The following CLEC20A variants were observed in gnomAD, a reference collection of about 807,000 sequenced individuals.
The protein encoded by CLEC20A is C-type lectin domain containing 20A, also known as putative C-type lectin domain family 20 member A.
intron 1 of CLEC20A, among the ~76,000 whole-genome samples, chr1:178,495,421 G>C (rs938981385): frequency 6.6e-6 from 1 of 152,224 alleles, no homozygotes; most frequent in African/African-American, 2.4e-5. Flanking sequence ...AGAGCTGCAA[G>C]CTGGAGTCAC....
At chr1:178,490,337 G>C (rs915353252) in exon 4 of CLEC20A, 1 of 398,630 alleles carries the variant, frequency 2.5e-6, no homozygotes, top group Non-Finnish European at 4.4e-6. Flanking sequence ...TCTGCAGGTC[G>C]GCCAGATCCG....
In CLEC20A at chr1:178,486,483, G is replaced by T; in HGVS notation, c.928+2018C>A. On this transcript the variant is annotated intron_variant, in intron 5 of 7. Transcript: ENST00000623247. ...CAGCTGCCTCTGGGCGGGTGTCTTGGCTCAGGGCTGCAGAGTCAGGGGGTG... is the reference window on the plus strand; with the variant it reads ...CAGCTGCCTCTGGGCGGGTGTCTTGTCTCAGGGCTGCAGAGTCAGGGGGTG... 1.0e-5 allele frequency: 4 copies of T among 398,826 alleles called. No homozygotes were observed. The Admixed American group carries it at 1.8e-4, about 18-fold the overall frequency. 24.7% of individuals were successfully genotyped at this position (398,826 alleles called of 1,614,324 possible). A position where few individuals can be genotyped will look rare whatever the true frequency, so the allele number is the denominator to read the frequency against.
intron 5 of CLEC20A, 55 bp downstream of exon 5, chr1:178,488,446 G>C (rs772974643): frequency 5.0e-6 from 2 of 398,568 alleles, no homozygotes; most frequent in Non-Finnish European, 8.8e-6. Context: ...AGCCAGCCTT[G>C]CCACTTCCCC....
chr1:178,488,838 C>A (rs570539495), intron 4 of CLEC20A, among the ~76,000 whole-genome samples: 1 of 152,110 alleles, frequency 6.6e-6, no homozygotes, highest in Non-Finnish European at 1.5e-5. Flanking sequence ...AAGGATCATG[C>A]GTCTCATCAA....
At chr1:178,495,080 T>A (rs1359857316) in intron 1 of CLEC20A, among the ~76,000 whole-genome samples, 1 of 152,236 alleles carries the variant, frequency 6.6e-6, no homozygotes, top group East Asian at 1.9e-4. Context: ...TTTGCCCAGC[T>A]AACTCCTCAC....
At chr1:178,487,761 G>GA (rs1649183338) in intron 5 of CLEC20A, among the ~76,000 whole-genome samples, 1 of 152,232 alleles carries the variant, frequency 6.6e-6, no homozygotes, top group South Asian at 2.1e-4. Flanking sequence ...TTTCTAATGA[G>GA]TGAATGAACG....
At chr1:178,484,203 TAATC>T (rs1441883639) in intron 5 of CLEC20A, 1 of 152,178 alleles carries the variant, frequency 6.6e-6, no homozygotes, top group African/African-American at 2.4e-5. Context: ...ACTATTTCCT[TAATC>T]AATTTCTAAG....
chr1:178,479,301 C>T (rs1472894930), exon 8 of CLEC20A: 2 of 331,650 alleles, frequency 6.0e-6, no homozygotes, highest in East Asian at 8.9e-5. Flanking sequence ...TTTGTCATTC[C>T]CAACATGATT....
chr1:178,493,474 G>T (rs1183181459), intron 2 of CLEC20A: 1 of 152,736 alleles, frequency 6.5e-6, no homozygotes, highest in Non-Finnish European at 1.5e-5. Flanking sequence ...CTCTTACCGG[G>T]CAAGTGCTGT....
At chr1:178,497,857 T>C (rs1202720075), upstream of CLEC20A, among the ~76,000 whole-genome samples, 3 of 151,878 alleles carry the variant, frequency 2.0e-5, no homozygotes, top group Non-Finnish European at 2.9e-5. Flanking sequence ...GGCTGGCTGC[T>C]GGGGGAGAAA....
intron 1 of CLEC20A, chr1:178,496,614 G>A (rs1055094749): frequency 2.7e-5 from 10 of 374,418 alleles, no homozygotes; most frequent in Admixed American, 9.1e-5. Context: ...CTGCGCGGCC[G>A]TCTCTTTGAG....
At chr1:178,492,398 G>T in intron 3 of CLEC20A, 103 bp downstream of exon 3, 2 of 398,484 alleles carry the variant, frequency 5.0e-6, no homozygotes, top group Non-Finnish European at 8.8e-6. Context: ...CAGGGGAACA[G>T]AGGGGACGCG....
At chr1:178,497,253 T>C, upstream of CLEC20A, 1 of 313,038 alleles carries the variant, frequency 3.2e-6, no homozygotes, top group Non-Finnish European at 5.8e-6. Context: ...TCTTACCTTC[T>C]CCTGCCTTCC....
At chr1:178,487,368 G>A (rs1395109863) in intron 5 of CLEC20A, among the ~76,000 whole-genome samples, 1 of 152,078 alleles carries the variant, frequency 6.6e-6, no homozygotes, top group Non-Finnish European at 1.5e-5. Context: ...CGCCTTCAGG[G>A]TGAGGTCCCT....
chr1:178,483,058 C>T, intron 6 of CLEC20A, 117 bp downstream of exon 6: 1 of 396,158 alleles, frequency 2.5e-6, no homozygotes, highest in Non-Finnish European at 4.4e-6. Flanking sequence ...TCCCTATTCC[C>T]AACATTTCAT....
At chr1:178,492,673 G>T in intron 2 of CLEC20A, 107 bp from the exon 3 acceptor site, 1 of 398,048 alleles carries the variant, frequency 2.5e-6, no homozygotes, top group Non-Finnish European at 4.4e-6. Flanking sequence ...CAGACAGGCT[G>T]GTCCATCCCT....
At chr1:178,485,980 T>C (rs1649131378) in intron 5 of CLEC20A, among the ~76,000 whole-genome samples, 1 of 152,212 alleles carries the variant, frequency 6.6e-6, no homozygotes. Flanking sequence ...CTACCATTTA[T>C]TGAGTGTCTG....
chr1:178,488,743 G>T, intron 4 of CLEC20A, 144 bp from the exon 5 acceptor site: 1 of 396,418 alleles, frequency 2.5e-6, no homozygotes, highest in Non-Finnish European at 4.4e-6. Context: ...CATCTACCGT[G>T]TGCCAATCCC....
rs1379910421 is a variant in CLEC20A at position 178,483,291 on chromosome 1, G to C, written c.929-9C>G. 5.0e-6 allele frequency: 2 copies of C among 398,598 alleles called. No homozygotes were observed. The highest frequency in any genetic ancestry group is 7.1e-5 in the East Asian group (2 of 28,068). 24.7% of individuals were successfully genotyped at this position (398,598 alleles called of 1,614,324 possible). A position where few individuals can be genotyped will look rare whatever the true frequency, so the allele number is the denominator to read the frequency against. Reference sequence around the variant, plus strand: ...CCCTACACTGGCCACAGCTACAGGAGGGGAAAATAAAAGATTTATTGCAAA... The same window carrying C: ...CCCTACACTGGCCACAGCTACAGGACGGGAAAATAAAAGATTTATTGCAAA... On this transcript the variant is annotated splice_polypyrimidine_tract_variant and intron_variant, in intron 5 of 7. Transcript: ENST00000623247.
Sources: gnomAD v4.1 joint callset for allele counts (sites outside exome capture counted in the v4.1 genomes callset) on GRCh38, gnomAD v4.1.1 for gene constraint, MANE v1.5 for transcripts, NCBI Gene and HGNC (gene_info 2026-07-23, HGNC 2026-07-21) for gene names.